The following LRRC7 variants were observed in gnomAD, a reference collection of about 807,000 sequenced individuals.
LRRC7 encodes the protein leucine rich repeat containing 7.
In LRRC7, 23 loss-of-function variants were observed where a neutral mutation model predicts 175.7. That is an observed-to-expected ratio of 0.13 (90% CI 0.09 to 0.19). The LOEUF is 0.19. LRRC7 is among the 10% of genes least tolerant of loss of function. LRRC7 has a pLI of 1.00. For missense variants in LRRC7, 1,354 were observed against 1,904.7 expected (o/e 0.71, Z 5.38); for synonymous variants, 685 against 680.9 (o/e 1.01, Z -0.09).
chr1:69,824,549 G>A (rs1038348994), intron 4 of LRRC7, among the ~76,000 whole-genome samples: 8 of 152,056 alleles, frequency 5.3e-5, no homozygotes, highest in Non-Finnish European at 1.0e-4. Flanking sequence ...GAGAAATGGC[G>A]TGAGAAACAT....
At chr1:69,766,035 CAA>C (rs34620947) in intron 3 of LRRC7, among the ~76,000 whole-genome samples, 24 of 129,300 alleles carry the variant, frequency 1.9e-4, no homozygotes, top group African/African-American at 5.0e-4. Context: ...ATCAACAGAC[CAA>C]AAAAAAAAAA....
chr1:69,793,710 A>T (rs1306638930), intron 4 of LRRC7, among the ~76,000 whole-genome samples: 1 of 152,020 alleles, frequency 6.6e-6, no homozygotes, highest in Non-Finnish European at 1.5e-5. Flanking sequence ...TCCTTACTAG[A>T]ATTAAAATTC....
chr1:69,724,519 C>T (rs1182312378), intron 2 of LRRC7, among the ~76,000 whole-genome samples: 2 of 152,074 alleles, frequency 1.3e-5, no homozygotes, highest in Non-Finnish European at 2.9e-5. Flanking sequence ...AAATATAAAT[C>T]AAATTGGACA....
intron 2 of LRRC7, among the ~76,000 whole-genome samples, chr1:69,723,134 A>C (rs1666555534): frequency 6.6e-6 from 1 of 152,088 alleles, no homozygotes; most frequent in Admixed American, 6.6e-5. Context: ...CTCTCGAAGC[A>C]GTTAGGTAAT....
At chr1:69,643,879 A>T (rs761073922) in intron 1 of LRRC7, among the ~76,000 whole-genome samples, 43 of 152,142 alleles carry the variant, frequency 2.8e-4, no homozygotes, top group Non-Finnish European at 5.9e-4. Context: ...ATTAAAAAAA[A>T]ACTAGAAGAT....
chr1:69,791,771 A>C (rs959984646), intron 3 of LRRC7, among the ~76,000 whole-genome samples: 2 of 151,996 alleles, frequency 1.3e-5, no homozygotes, highest in African/African-American at 4.8e-5. Flanking sequence ...TGGGGGATTC[A>C]GTGGTAAATT....
At chr1:69,655,538 A>C (rs1429477846) in intron 1 of LRRC7, among the ~76,000 whole-genome samples, 1 of 151,830 alleles carries the variant, frequency 6.6e-6, no homozygotes, top group African/African-American at 2.4e-5. Flanking sequence ...TTTCCCTAAG[A>C]CTCCTAGTAA....
intron 3 of LRRC7, among the ~76,000 whole-genome samples, chr1:69,778,926 ACT>A (rs1470255007): frequency 2.8e-5 from 4 of 143,854 alleles, no homozygotes; most frequent in African/African-American, 8.1e-5. Flanking sequence ...ACACACACAC[ACT>A]CATATATATA....
At position 70,089,759 on chromosome 1, in the gene LRRC7, T is replaced by G; in HGVS notation, c.4485T>G (p.Leu1495=). 4 of 1,610,392 alleles carry G rather than the reference T, an allele frequency of 2.5e-6. No homozygotes were observed. Among genetic ancestry groups the G allele is most frequent in the Non-Finnish European group, 3.4e-6 (4 of 1,177,776 alleles). Residue 1495 remains leucine (L), a synonymous_variant, in exon 25 of 27, where the codon CTT becomes CTG. Transcript: ENST00000651989. Reference sequence around the variant, plus strand: ...TGAGAATAGAAAAGAATCCTGGCCTTGGATTTAGTATCAGTGGTGGAATTA... The same window carrying G: ...TGAGAATAGAAAAGAATCCTGGCCTGGGATTTAGTATCAGTGGTGGAATTA... ...FCVRIEKNPG[L]GFSISGGISG...
chr1:69,800,466 T>A (rs1377509979), intron 4 of LRRC7, among the ~76,000 whole-genome samples: 1 of 151,998 alleles, frequency 6.6e-6, no homozygotes, highest in African/African-American at 2.4e-5. Flanking sequence ...ACCTCCATGG[T>A]TAAATAGATC....
intron 23 of LRRC7, among the ~76,000 whole-genome samples, chr1:70,055,907 A>C (rs2102069927): frequency 6.6e-6 from 1 of 152,274 alleles, no homozygotes; most frequent in South Asian, 2.1e-4. Flanking sequence ...GAACCAAAAC[A>C]ATCTTGTGAT....
intron 7 of LRRC7, among the ~76,000 whole-genome samples, chr1:69,911,357 G>A (rs767089561): frequency 1.3e-5 from 2 of 152,146 alleles, no homozygotes; most frequent in Non-Finnish European, 2.9e-5. Context: ...CCTGTTGTAA[G>A]TTCTTTGAGA....
chr1:69,695,810 G>A (rs997260716), intron 2 of LRRC7, among the ~76,000 whole-genome samples: 1 of 152,220 alleles, frequency 6.6e-6, no homozygotes, highest in South Asian at 2.1e-4. Flanking sequence ...CTAAGCTTTG[G>A]TGGCTTCCAT....
chr1:69,986,468 T>C lies in LRRC7; in HGVS notation c.931+82T>C, dbSNP rs1291322477. On this transcript the variant is annotated intron_variant, in intron 10 of 26. Coordinates refer to ENST00000651989, the MANE Select transcript of LRRC7 (RefSeq NM_001370785.2). ...TGGAAGTATAGTTTGTCTATAGATATAGGTAATATACTGTTAGTCTGATGT... is the reference window on the plus strand; with the variant it reads ...TGGAAGTATAGTTTGTCTATAGATACAGGTAATATACTGTTAGTCTGATGT... The C allele has an allele frequency of 2.5e-6, 3 of 1,189,716 alleles. No homozygotes were observed. The East Asian group carries it at 7.5e-5, about 30-fold the overall frequency. The allele number at this position is 1,189,716 out of a possible 1,614,324, so 73.7% of individuals were successfully genotyped here.
At chr1:69,706,517 C>T (rs950339213) in intron 2 of LRRC7, among the ~76,000 whole-genome samples, 1 of 152,250 alleles carries the variant, frequency 6.6e-6, no homozygotes, top group East Asian at 1.9e-4. Context: ...CAATCAACAA[C>T]CTGCAAGTCA....
chr1:69,931,640 A>G (rs1294878851), intron 8 of LRRC7, 70 bp downstream of exon 8: 3 of 1,268,600 alleles, frequency 2.4e-6, no homozygotes, highest in South Asian at 1.2e-5. Flanking sequence ...CTGTCTTTGT[A>G]AACCAAGGTA....
At chr1:69,788,924 C>A (rs1484684381) in intron 3 of LRRC7, among the ~76,000 whole-genome samples, 2 of 152,110 alleles carry the variant, frequency 1.3e-5, no homozygotes, top group Non-Finnish European at 2.9e-5. Flanking sequence ...TATAAAGAAT[C>A]TGGGCTCAAG....
At position 70,135,280 on chromosome 1, in the gene LRRC7, A is replaced by C. The variant is rs143000305; in HGVS notation, c.*13393A>C. Among the ~76,000 whole-genome samples, 4 of 152,290 alleles carry C rather than the reference A, an allele frequency of 2.6e-5. No individual in the cohort carries two copies. The highest frequency in any genetic ancestry group is 9.6e-5 in the African/African-American group (4 of 41,554). ...TAGCATAGTTCCCCAGGAGCAGGCT[A>C]TGATCATCTCCTCAAAGCACGGGGG... is the stretch of plus-strand genomic sequence containing the variant. On this transcript the variant is annotated 3_prime_UTR_variant, in exon 27 of 27. Coordinates refer to ENST00000651989, the MANE Select transcript of LRRC7 (RefSeq NM_001370785.2).
At chr1:70,065,525 C>T (rs1373677273) in intron 23 of LRRC7, among the ~76,000 whole-genome samples, 2 of 151,902 alleles carry the variant, frequency 1.3e-5, no homozygotes, top group Non-Finnish European at 2.9e-5. Flanking sequence ...AGCTAACTTT[C>T]ATTTAGCTTT....
Sources: allele counts gnomAD v4.1 joint callset (sites outside exome capture counted in the v4.1 genomes callset), GRCh38; gene constraint gnomAD v4.1.1; transcripts MANE v1.5; gene names NCBI Gene and HGNC (gene_info 2026-07-23, HGNC 2026-07-21).